Variants in ZNF138 observed in about 807,000 individuals in gnomAD.
The protein encoded by ZNF138 is zinc finger protein 138 (clone pHZ-32).
In ZNF138, 33 loss-of-function variants were observed where a neutral mutation model predicts 33.0. That is an observed-to-expected ratio of 1.00 (90% confidence interval 0.76 to 1.34). The LOEUF is 1.34. Among genes scored for constraint, ZNF138 ranks in the 40% most tolerant of loss-of-function variants. ZNF138 has a pLI of 0.00. For synonymous variants in ZNF138, 139 were observed against 120.4 expected (o/e 1.15, Z -1.01); for missense variants, 360 against 370.8 (o/e 0.97, Z 0.24).
At position 64,794,443 on chromosome 7, in the gene ZNF138, GT is replaced by G; in HGVS notation, c.-125del. The stretch of plus-strand genomic sequence containing the variant: ...CGGGGTCTTTGTCTCGCTGCAGCGG[GT>G]GCTGCAGGTCTGGCCTTCACTTTTC... On this transcript the variant is annotated 5_prime_UTR_variant, in exon 1 of 4. Coordinates refer to ENST00000307355, the MANE Select transcript of ZNF138 (RefSeq NM_001271639.2). The G allele has an allele frequency of 7.2e-7, 1 of 1,384,518 alleles. No individual in the cohort carries two copies. 85.8% of individuals were successfully genotyped at this position (1,384,518 alleles called of 1,614,324 possible).
intron 1 of ZNF138, among the ~76,000 whole-genome samples, chr7:64,803,299 G>A (rs1220021226): frequency 2.9e-5 from 4 of 139,678 alleles, no homozygotes; most frequent in African/African-American, 1.1e-4. Flanking sequence ...ATCTTTTAAG[G>A]TAGACACAGA....
At chr7:64,809,196 A>C (rs182285766) in intron 1 of ZNF138, among the ~76,000 whole-genome samples, 1 of 14,802 alleles carries the variant, frequency 6.8e-5, no homozygotes, top group Non-Finnish European at 1.4e-4. Context: ...CGGGTGGGGC[A>C]GCTGGCCGGG....
At chr7:64,848,890 G>C in the ZNF138 span, among the ~76,000 whole-genome samples, 1 of 151,882 alleles carries the variant, frequency 6.6e-6, no homozygotes, top group Non-Finnish European at 1.5e-5. Context: ...ATTTTTAATA[G>C]AGACAGCATT....
intron 1 of ZNF138, among the ~76,000 whole-genome samples, chr7:64,805,168 G>A (rs1488711701): frequency 6.6e-6 from 1 of 152,120 alleles, no homozygotes; most frequent in African/African-American, 2.4e-5. Flanking sequence ...GGAGGCCGAG[G>A]TGGGTGGATC....
intron 1 of ZNF138, among the ~76,000 whole-genome samples, chr7:64,802,772 A>G (rs920974155): frequency 6.6e-6 from 1 of 152,212 alleles, no homozygotes; most frequent in African/African-American, 2.4e-5. Flanking sequence ...GAAAATTTCT[A>G]GTGAGCCGCA....
the ZNF138 span, among the ~76,000 whole-genome samples, chr7:64,851,453 A>G: frequency 6.6e-6 from 1 of 152,240 alleles, no homozygotes; most frequent in Non-Finnish European, 1.5e-5. Context: ...CGCAAAGGAC[A>G]AAATAATGCT....
rs1211644547 is a variant in ZNF138 at position 64,832,215 on chromosome 7, C to A, written c.*13C>A. The A allele has an allele frequency of 1.2e-6, 2 of 1,602,458 alleles. No homozygotes were observed. The highest frequency in any genetic ancestry group is 1.7e-6 in the Non-Finnish European group (2 of 1,176,638). On this transcript the variant is annotated 3_prime_UTR_variant, in exon 4 of 4. Coordinates refer to ENST00000307355, the MANE Select transcript of ZNF138 (RefSeq NM_001271639.2). ...TAACCTATCTTAACAACTTACTGAACATAAGAAAATTTACACTAGAGAGAA... is the reference window on the plus strand; with the variant it reads ...TAACCTATCTTAACAACTTACTGAAAATAAGAAAATTTACACTAGAGAGAA...
chr7:64,855,364 C>G, the ZNF138 span, among the ~76,000 whole-genome samples: 8 of 152,118 alleles, frequency 5.3e-5, no homozygotes, highest in Non-Finnish European at 1.2e-4. Flanking sequence ...CCTGGTAAGT[C>G]AGAGACGCTT....
chr7:64,798,605 A>G (rs963964605), intron 1 of ZNF138, among the ~76,000 whole-genome samples: 1 of 152,076 alleles, frequency 6.6e-6, no homozygotes, highest in African/African-American at 2.4e-5. Flanking sequence ...CAGCCTGACC[A>G]ACATGGAGAA....
At position 64,832,219 on chromosome 7, in the gene ZNF138, A is replaced by C; in HGVS notation, c.*17A>C. On this transcript the variant is annotated 3_prime_UTR_variant, in exon 4 of 4. Coordinates refer to ENST00000307355, the MANE Select transcript of ZNF138 (RefSeq NM_001271639.2). ...CTATCTTAACAACTTACTGAACATA[A>C]GAAAATTTACACTAGAGAGAAAGCC... 4.4e-6 allele frequency: 7 copies of C among 1,602,984 alleles called. No individual in the cohort carries two copies. Among genetic ancestry groups the C allele is most frequent in the Non-Finnish European group, 5.9e-6 (7 of 1,176,844 alleles).
At chr7:64,847,793 T>C in the ZNF138 span, among the ~76,000 whole-genome samples, 1 of 152,208 alleles carries the variant, frequency 6.6e-6, no homozygotes, top group Non-Finnish European at 1.5e-5. Flanking sequence ...GGCTGGTGAA[T>C]TCTTATCAGT....
At chr7:64,805,411 C>CAAAACAAAACAA (rs71061310) in intron 1 of ZNF138, among the ~76,000 whole-genome samples, 1 of 126,998 alleles carries the variant, frequency 7.9e-6, no homozygotes, top group Non-Finnish European at 1.8e-5. Context: ...AAAAACAAAA[C>CAAAACAAAACAA]AAAAAAAAAA....
chr7:64,832,882 C>G lies in ZNF138; in HGVS notation c.*680C>G, dbSNP rs1030604765. 1 of 399,544 alleles carries G rather than the reference C, an allele frequency of 2.5e-6. No individual in the cohort carries two copies. The highest frequency in any genetic ancestry group is 5.1e-6 in the Non-Finnish European group (1 of 197,682). 24.7% of individuals were successfully genotyped at this position (399,544 alleles called of 1,614,324 possible). A position where few individuals can be genotyped will look rare whatever the true frequency, so the allele number is the denominator to read the frequency against. On this transcript the variant is annotated 3_prime_UTR_variant, in exon 4 of 4. Coordinates refer to ENST00000307355, the MANE Select transcript of ZNF138 (RefSeq NM_001271639.2). ...TCTTTTAACCAGTTCTCACAACTTG[C>G]TATACATAAGATGATTCACACTTGA...
At chr7:64,824,581 G>A (rs7792444) in intron 3 of ZNF138, among the ~76,000 whole-genome samples, 98,363 of 151,972 alleles carry the variant, frequency 0.65, 32,590 homozygotes, top group African/African-American at 0.78. Context: ...ATGTTGCTAT[G>A]TATTTCTTAC....
rs185894307 is a variant in ZNF138, at chr7:64,829,381, A to T, written c.209-2070A>T. Among the ~76,000 whole-genome samples, 297 of 151,558 alleles carry T rather than the reference A, an allele frequency of 2.0e-3. 1 individual carries two copies. Among genetic ancestry groups the T allele is most frequent in the South Asian group, 5.2e-3 (25 of 4,794 alleles). On this transcript the variant is annotated intron_variant, in intron 3 of 3. Transcript: ENST00000307355. Reference sequence around the variant, plus strand: ...TACATATTTGGAAACTTAATGTGAGATACACAAACTCAAACACACACACAC... The same window carrying T: ...TACATATTTGGAAACTTAATGTGAGTTACACAAACTCAAACACACACACAC...
At chr7:64,842,356 C>T in the ZNF138 span, among the ~76,000 whole-genome samples, 1 of 152,206 alleles carries the variant, frequency 6.6e-6, no homozygotes, top group East Asian at 1.9e-4. Context: ...GCCACTGTGC[C>T]CTGCTGAATC....
chr7:64,822,140 C>T (rs1271544173), intron 3 of ZNF138, among the ~76,000 whole-genome samples: 2 of 151,004 alleles, frequency 1.3e-5, no homozygotes, highest in African/African-American at 4.9e-5. Context: ...AAGATGGTCT[C>T]GATCTCCTGA....
At chr7:64,802,337 C>T (rs983325854) in intron 1 of ZNF138, among the ~76,000 whole-genome samples, 2 of 152,122 alleles carry the variant, frequency 1.3e-5, no homozygotes, top group African/African-American at 4.8e-5. Flanking sequence ...AAAAATGTTT[C>T]TTCTTACTGG....
the ZNF138 span, among the ~76,000 whole-genome samples, chr7:64,844,406 C>CATT: frequency 1.4e-4 from 2 of 14,722 alleles, no homozygotes; most frequent in Non-Finnish European, 6.6e-3. Flanking sequence ...CAATTTGATT[C>CATT]ATTCTTCTTT....
Sources: allele counts gnomAD v4.1 joint callset (sites outside exome capture counted in the v4.1 genomes callset), GRCh38; gene constraint gnomAD v4.1.1; transcripts MANE v1.5; gene names NCBI Gene and HGNC (gene_info 2026-07-23, HGNC 2026-07-21).